The following TECTA variants were observed in gnomAD, a reference collection of about 807,000 sequenced individuals.
The protein encoded by TECTA is tectorin alpha, also known as alpha-tectorin.
In TECTA, 128 loss-of-function variants were observed where a neutral mutation model predicts 216.8. The observed-to-expected ratio is 0.59, with a 90% CI of 0.51 to 0.68. The LOEUF (loss-of-function observed/expected upper bound fraction) is 0.68, where lower values mean the gene tolerates loss of function less well. Ranked by LOEUF, TECTA falls within the 30% of genes least tolerant of loss-of-function variation. The pLI is 0.00. For missense variants in TECTA, 2,551 were observed against 2,786.2 expected, an observed-to-expected ratio of 0.92 and a Z score of 1.90; for synonymous variants, 1,089 against 1,117.1, an observed-to-expected ratio of 0.97 and a Z score of 0.50.
At chr11:121,141,597 C>G (rs1946784678) in intron 11 of TECTA, among the ~76,000 whole-genome samples, 1 of 152,244 alleles carries the variant, frequency 6.6e-6, no homozygotes, top group Non-Finnish European at 1.5e-5. Flanking sequence ...GAGACTGCCT[C>G]TCTCCTGCCC....
chr11:121,143,464 C>T (rs1946803715), intron 11 of TECTA, among the ~76,000 whole-genome samples: 1 of 152,250 alleles, frequency 6.6e-6, no homozygotes, highest in African/African-American at 2.4e-5. Flanking sequence ...CTTCTGCAGG[C>T]AGCCCTGATC....
At chr11:121,189,252 C>T (rs964946617) in intron 22 of TECTA, 85 bp downstream of exon 22, 4 of 1,388,168 alleles carry the variant, frequency 2.9e-6, no homozygotes, top group Admixed American at 1.7e-5. Flanking sequence ...TGATGTGGGT[C>T]CAGTGGACAA....
chr11:121,139,153 C>T (rs1946759635), intron 11 of TECTA, among the ~76,000 whole-genome samples: 1 of 152,204 alleles, frequency 6.6e-6, no homozygotes, highest in Admixed American at 6.5e-5. Context: ...CTGTGTCGTC[C>T]TCTTCCCTTG....
Position 121,113,012 on chromosome 11 carries a change from C to T in TECTA, c.487-60C>T, listed in dbSNP as rs1297386445. 3.1e-6 allele frequency: 5 copies of T among 1,610,656 alleles called. No homozygotes were observed. Among genetic ancestry groups the T allele is most frequent in the Non-Finnish European group, 4.2e-6 (5 of 1,178,588 alleles). On this transcript the variant is annotated intron_variant, in intron 4 of 23. Transcript: ENST00000392793. This position sits in a 1 kb window ranked among gnomAD's most constrained non-coding sequence, Gnocchi z 4.2. ...GGGCGCAGGGTGAAGGGAGGACCTCCTTGGGGCCAGGACCTCCTGGGGAGT... is the reference window on the plus strand; with the variant it reads ...GGGCGCAGGGTGAAGGGAGGACCTCTTTGGGGCCAGGACCTCCTGGGGAGT...
chr11:121,166,307 T>TG (rs1485151124), intron 17 of TECTA, among the ~76,000 whole-genome samples: 3 of 152,136 alleles, frequency 2.0e-5, no homozygotes, highest in African/African-American at 4.8e-5. Context: ...ACCAGCAAGG[T>TG]GGGGGAAGAC....
intron 12 of TECTA, among the ~76,000 whole-genome samples, chr11:121,151,178 CAAG>C (rs1274087537): frequency 3.3e-5 from 5 of 152,288 alleles, no homozygotes; most frequent in African/African-American, 1.2e-4. Context: ...ATAAGACAAT[CAAG>C]GAGAGTGTGG....
At position 121,130,168 on chromosome 11, in the gene TECTA, T is replaced by C. The variant is rs757251525; in HGVS notation, c.2898T>C (p.Asn966=). ...CCCGGTATGCAAGCGCCTGCAAGAA[T>C]GCGGACGTGGAGGTGGGGCCCTGGC... ...SVARYASACK[N]ADVEVGPWRT... Residue 966 remains asparagine (N), a synonymous_variant, in exon 10 of 24, where the codon AAT becomes AAC. Coordinates refer to ENST00000392793, the MANE Select transcript of TECTA (RefSeq NM_005422.4). The C allele has an allele frequency of 1.9e-6, 3 of 1,604,492 alleles. No homozygotes were observed. The highest frequency in any genetic ancestry group is 2.5e-6 in the Non-Finnish European group (3 of 1,179,956).
At chr11:121,172,945 G>A (rs374132660) in intron 20 of TECTA, among the ~76,000 whole-genome samples, 3 of 149,374 alleles carry the variant, frequency 2.0e-5, no homozygotes, top group African/African-American at 7.4e-5. Context: ...GCCAGTGATG[G>A]TGAGCATTTT....
intron 11 of TECTA, among the ~76,000 whole-genome samples, chr11:121,143,234 C>A (rs1247672102): frequency 6.6e-6 from 1 of 152,194 alleles, no homozygotes; most frequent in Non-Finnish European, 1.5e-5. Flanking sequence ...AGGCCCTCCC[C>A]ACCTGTGCAT....
At chr11:121,125,279 T>C in intron 7 of TECTA, 23 bp from the exon 8 acceptor site, 1 of 1,608,228 alleles carries the variant, frequency 6.2e-7, no homozygotes, top group South Asian at 1.1e-5. Flanking sequence ...TCACCTGCCT[T>C]TCACTATTAC....
chr11:121,163,988 TTTCAG>T (rs1208269287), intron 16 of TECTA, among the ~76,000 whole-genome samples: 1 of 152,260 alleles, frequency 6.6e-6, no homozygotes, highest in African/African-American at 2.4e-5. Flanking sequence ...GATGTCTTTC[TTTCAG>T]TTGTCTTTCC....
At chr11:121,149,308 T>C (rs1413708601) in intron 12 of TECTA, among the ~76,000 whole-genome samples, 3 of 152,220 alleles carry the variant, frequency 2.0e-5, no homozygotes, top group African/African-American at 2.4e-5. Context: ...TTCCCTTTTA[T>C]TGGAGGCAGC....
Position 121,130,170 on chromosome 11 carries a change from C to A in TECTA, c.2900C>A (p.Ala967Glu), listed in dbSNP as rs199688655. 6.2e-7 allele frequency: 1 copy of A among 1,604,128 alleles called. No individual in the cohort carries two copies. Among genetic ancestry groups the A allele is most frequent in the Admixed American group, 1.7e-5 (1 of 60,020 alleles). ...CGGTATGCAAGCGCCTGCAAGAATGCGGACGTGGAGGTGGGGCCCTGGCGG... is the reference window on the plus strand; with the variant it reads ...CGGTATGCAAGCGCCTGCAAGAATGAGGACGTGGAGGTGGGGCCCTGGCGG... ...VARYASACKN[A>E]DVEVGPWRTY... The change falls in exon 10 of 24, where the codon GCG (alanine) becomes GAG (glutamate). Residue 967 changes from alanine to glutamate, a missense_variant. Around this residue, in one of 3 missense-constraint regions of TECTA, gnomAD observed 2,375 missense variants for 2,563.9 expected, o/e 0.93. Coordinates refer to ENST00000392793, the MANE Select transcript of TECTA (RefSeq NM_005422.4).
intron 16 of TECTA, among the ~76,000 whole-genome samples, chr11:121,162,604 G>A (rs536462913): frequency 4.6e-5 from 7 of 152,334 alleles, no homozygotes; most frequent in South Asian, 2.1e-4. Context: ...GAAAACAAAC[G>A]TGGGAAGATG....
chr11:121,176,784 C>G (rs1947171767), intron 20 of TECTA, among the ~76,000 whole-genome samples: 1 of 151,906 alleles, frequency 6.6e-6, no homozygotes, highest in African/African-American at 2.4e-5. Flanking sequence ...CAACTTGGTT[C>G]CATTCTCCCC....
Position 121,109,326 on chromosome 11 carries a change from A to G in TECTA, c.314A>G (p.Asn105Ser), listed in dbSNP as rs752159524. ...FVAPFWADVH[N>S]GIRGEIYYRE... ...GCCCCATTTTGGGCAGATGTGCACA[A>G]TGGAATTCGAGGCGAGATCTATTAC... is the stretch of plus-strand genomic sequence containing the variant. The change falls in exon 4 of 24, where the codon AAT becomes AGT. Residue 105 changes from asparagine to serine, a missense_variant. Asn to Ser is a conservative substitution (Grantham distance 46). Transcript: ENST00000392793. 84 of 1,614,040 alleles carry G rather than the reference A, an allele frequency of 5.2e-5. No homozygotes were observed. The highest frequency in any genetic ancestry group is 1.3e-4 in the Admixed American group (8 of 60,010).
intron 10 of TECTA, among the ~76,000 whole-genome samples, chr11:121,132,676 T>C (rs139935410): frequency 4.9e-4 from 75 of 152,334 alleles, no homozygotes; most frequent in African/African-American, 1.5e-3. Context: ...GAGTTCATAC[T>C]GAACCTACAG....
chr11:121,142,582 A>C (rs1800240537), intron 11 of TECTA, among the ~76,000 whole-genome samples: 1 of 152,192 alleles, frequency 6.6e-6, no homozygotes, highest in Non-Finnish European at 1.5e-5. Context: ...TCAGGTAGCC[A>C]GGGATATAGA....
intron 11 of TECTA, 66 bp from the exon 12 acceptor site, chr11:121,145,489 G>C: frequency 6.4e-7 from 1 of 1,558,964 alleles, no homozygotes. Context: ...GAGACTCATC[G>C]TTAGGAGAAG....
Sources: gnomAD v4.1 joint callset for allele counts (sites outside exome capture counted in the v4.1 genomes callset) on GRCh38, gnomAD v4.1.1 for gene constraint, gnomAD v4.1.1 regional missense constraint, Gnocchi (gnomAD v3.1) non-coding constraint, MANE v1.5 for transcripts, NCBI Gene and HGNC (gene_info 2026-07-23, HGNC 2026-07-21) for gene names.